The following MAPK4 variants were observed in gnomAD, a reference collection of about 807,000 sequenced individuals.
MAPK4 encodes the protein mitogen-activated protein kinase 4.
In MAPK4, 22 loss-of-function variants were observed where a neutral mutation model predicts 47.7. The observed-to-expected ratio is 0.46, with a 90% CI of 0.33 to 0.66. The LOEUF is 0.66. Ranked by LOEUF, MAPK4 falls within the 30% of genes least tolerant of loss-of-function variation. The pLI, the probability that MAPK4 is intolerant of heterozygous loss-of-function variation, is 0.02. For missense variants in MAPK4, 736 were observed against 831.7 expected, an observed-to-expected ratio of 0.88 and a Z score of 1.42; for synonymous variants, 390 against 365.7, an observed-to-expected ratio of 1.07 and a Z score of -0.76.
chr18:50,659,870 G>A (rs982445536), intron 1 of MAPK4, among the ~76,000 whole-genome samples: 1 of 152,126 alleles, frequency 6.6e-6, no homozygotes, highest in African/African-American at 2.4e-5. Flanking sequence ...CTGTGATTCG[G>A]AGCAGCTCTG....
rs1460631303 is a variant in MAPK4 at position 50,560,225 on chromosome 18, G to A, written c.-889G>A. The A allele has an allele frequency of 6.6e-6, 1 of 151,452 alleles. No individual in the cohort carries two copies. The highest frequency in any genetic ancestry group is 1.5e-5 in the Non-Finnish European group (1 of 67,836). The allele number at this position is 151,452 out of a possible 1,614,324, so 9.4% of individuals were successfully genotyped here. On this transcript the variant is annotated 5_prime_UTR_variant, in exon 1 of 6. Coordinates refer to ENST00000400384, the MANE Select transcript of MAPK4 (RefSeq NM_002747.4). ...GGGCGGCTCGCGCCCGGGCCGCCAC[G>A]CTCTCGGGCTCTGCCTCGGTAAGTG...
chr18:50,709,936 G>C (rs1001520956), intron 2 of MAPK4, among the ~76,000 whole-genome samples: 2 of 152,082 alleles, frequency 1.3e-5, no homozygotes, highest in African/African-American at 4.8e-5. Context: ...GAAGACAAGG[G>C]ATGATCTGAA....
intron 1 of MAPK4, among the ~76,000 whole-genome samples, chr18:50,661,149 T>TA (rs1241541191): frequency 3.9e-5 from 6 of 152,010 alleles, no homozygotes; most frequent in Admixed American, 3.9e-4. Context: ...TGTCTCTTCC[T>TA]AAAAAAAATA....
At chr18:50,568,777 A>T (rs1192235365) in intron 1 of MAPK4, among the ~76,000 whole-genome samples, 2 of 152,150 alleles carry the variant, frequency 1.3e-5, no homozygotes, top group African/African-American at 4.8e-5. Flanking sequence ...TACATTCTGA[A>T]TAGTTTCTTC....
intron 1 of MAPK4, among the ~76,000 whole-genome samples, chr18:50,564,381 C>G (rs34139832): frequency 1.4e-4 from 22 of 152,262 alleles, no homozygotes; most frequent in South Asian, 1.2e-3. Context: ...GCCTCTACCC[C>G]CTAGATGCCA....
At chr18:50,716,657 C>T (rs1032492902) in intron 3 of MAPK4, among the ~76,000 whole-genome samples, 1 of 152,148 alleles carries the variant, frequency 6.6e-6, no homozygotes, top group Non-Finnish European at 1.5e-5. Context: ...CATGCCCCTA[C>T]AGAACTCCGG....
chr18:50,611,469 C>T (rs1233091761), intron 1 of MAPK4, among the ~76,000 whole-genome samples: 1 of 152,174 alleles, frequency 6.6e-6, no homozygotes, highest in African/African-American at 2.4e-5. Flanking sequence ...ACAGAGAAAT[C>T]ACCTTAGGAG....
At chr18:50,706,883 C>T (rs1910086334) in intron 2 of MAPK4, among the ~76,000 whole-genome samples, 1 of 152,182 alleles carries the variant, frequency 6.6e-6, no homozygotes, top group Non-Finnish European at 1.5e-5. Context: ...CATCACTGAA[C>T]AAACAGAACA....
At chr18:50,690,584 A>G (rs1015870792) in intron 2 of MAPK4, among the ~76,000 whole-genome samples, 6 of 152,242 alleles carry the variant, frequency 3.9e-5, no homozygotes, top group Admixed American at 2.6e-4. Context: ...GTCATCTGTA[A>G]TAGATGAAGG....
At position 50,729,838 on chromosome 18, in the gene MAPK4, C is replaced by T; in HGVS notation, c.1748C>T (p.Ser583Phe). 6.2e-7 allele frequency: 1 copy of T among 1,611,352 alleles called. No homozygotes were observed. Among genetic ancestry groups the T allele is most frequent in the Non-Finnish European group, 8.5e-7 (1 of 1,179,116 alleles). The part of the protein sequence containing the change: ...PGDLVQTEAF[S>F]KERW ...GACCTCGTGCAGACCGAGGCCTTCT[C>T]CAAAGAAAGGTGGTGAGGGCGGAGG... The change falls in exon 6 of 6, where the codon TCC (serine) becomes TTC (phenylalanine). Residue 583 changes from serine (S) to phenylalanine (F), a missense_variant. This residue lies in a region of MAPK4 where 377 missense variants were observed against 378.6 expected (regional missense o/e 1.00). Coordinates refer to ENST00000400384, the MANE Select transcript of MAPK4 (RefSeq NM_002747.4).
At chr18:50,723,195 A>G (rs1911022316) in intron 4 of MAPK4, among the ~76,000 whole-genome samples, 1 of 152,208 alleles carries the variant, frequency 6.6e-6, no homozygotes, top group East Asian at 1.9e-4. Context: ...GACCCAGGCC[A>G]TCAGGTCTGC....
At chr18:50,633,235 C>T (rs925585644) in intron 1 of MAPK4, among the ~76,000 whole-genome samples, 1 of 152,142 alleles carries the variant, frequency 6.6e-6, no homozygotes, top group Non-Finnish European at 1.5e-5. Flanking sequence ...AGAGACTTTG[C>T]GAAGGCACTG....
At chr18:50,643,949 A>G (rs1389918440) in intron 1 of MAPK4, among the ~76,000 whole-genome samples, 1 of 151,630 alleles carries the variant, frequency 6.6e-6, no homozygotes, top group East Asian at 1.9e-4. Flanking sequence ...TGTTCTCTTC[A>G]TCATTATGGG....
Position 50,653,369 on chromosome 18 carries a change from T to C in MAPK4, c.-870-9720T>C, listed in dbSNP as rs558060688. Among the ~76,000 whole-genome samples the C allele has an allele frequency of 2.6e-4, 40 of 152,284 alleles. 1 individual carries two copies. The highest frequency in any genetic ancestry group is 9.1e-4 in the African/African-American group (38 of 41,556). On this transcript the variant is annotated intron_variant, in intron 1 of 5. Coordinates refer to ENST00000400384, the MANE Select transcript of MAPK4 (RefSeq NM_002747.4). The stretch of plus-strand genomic sequence containing the variant: ...GCTGGTGAGTAGAGTTCAGCGAGAC[T>C]GGAGATCAGAGGCTAGAGACAGTGA...
chr18:50,668,751 C>G (rs1907756570), intron 2 of MAPK4, among the ~76,000 whole-genome samples: 1 of 152,210 alleles, frequency 6.6e-6, no homozygotes, highest in African/African-American at 2.4e-5. Context: ...AAAAAGACCT[C>G]ACACCCATGT....
chr18:50,729,341 G>A lies in MAPK4; in HGVS notation c.1251G>A (p.Glu417=), dbSNP rs1412619114. ...TAGAGCAGTCGCACTCGTCCATGGA[G>A]CGCGCCTTCGAGGCCGACTACGGGC... ...RFLEQSHSSM[E]RAFEADYGRS... The change falls in exon 6 of 6, where the codon GAG becomes GAA. Residue 417 remains glutamate, a synonymous_variant. Transcript: ENST00000400384. 3 of 1,588,656 alleles carry A rather than the reference G, an allele frequency of 1.9e-6. No individual in the cohort carries two copies. In the East Asian group the frequency reaches 6.8e-5, roughly 36 times the overall value.
At chr18:50,609,116 A>T (rs1361209314) in intron 1 of MAPK4, among the ~76,000 whole-genome samples, 1 of 152,072 alleles carries the variant, frequency 6.6e-6, no homozygotes, top group East Asian at 1.9e-4. Context: ...TCCTATGTCT[A>T]CGTCTTTCTA....
chr18:50,649,399 A>G (rs952460701), intron 1 of MAPK4, among the ~76,000 whole-genome samples: 11 of 152,214 alleles, frequency 7.2e-5, no homozygotes, highest in African/African-American at 1.9e-4. Flanking sequence ...TCTGCCTTCC[A>G]CCCAGAAGGT....
chr18:50,668,451 T>A (rs959323537), intron 2 of MAPK4, among the ~76,000 whole-genome samples: 1 of 152,192 alleles, frequency 6.6e-6, no homozygotes, highest in Admixed American at 6.5e-5. Context: ...TCTTCTCTAG[T>A]GAGCAACTGG....
Sources: allele counts gnomAD v4.1 joint callset (sites outside exome capture counted in the v4.1 genomes callset), GRCh38; gene constraint gnomAD v4.1.1; regional missense constraint gnomAD v4.1.1; transcripts MANE v1.5; gene names NCBI Gene and HGNC (gene_info 2026-07-23, HGNC 2026-07-21).